MKRN2: variants seen among roughly 807,000 people sequenced by gnomAD.
The protein encoded by MKRN2 is makorin ring finger protein 2.
In MKRN2, 32 loss-of-function variants were observed where a neutral mutation model predicts 45.4. That is an observed-to-expected ratio of 0.70 (90% CI 0.53 to 0.95). The LOEUF (loss-of-function observed/expected upper bound fraction) is 0.95. Ranked by LOEUF, MKRN2 falls within the 40% of genes least tolerant of loss-of-function variation. The probability of loss-of-function intolerance (pLI) is 0.00; values close to 1 mark genes in which losing one functional copy is unlikely to be tolerated. For missense variants in MKRN2, 526 were observed against 536.7 expected (o/e 0.98, Z 0.20); for synonymous variants, 206 against 192.4 (o/e 1.07, Z -0.59).
Position 12,572,314 on chromosome 3 carries a change from A to G in MKRN2, c.583A>G (p.Ile195Val). 2 of 1,610,790 alleles carry G rather than the reference A, an allele frequency of 1.2e-6. No individual in the cohort carries two copies. Among genetic ancestry groups the G allele is most frequent in the Non-Finnish European group, 1.7e-6 (2 of 1,177,434 alleles). ...CVYLHGEVCE[I>V]CRLQVLHPFD... ...CTACCTGCACGGGGAGGTGTGTGAA[A>G]TCTGTAGGCTGCAAGTCTTGCACCC... Residue 195 changes from isoleucine (I) to valine (V), a missense_variant, in exon 4 of 8, where the codon ATC (isoleucine) becomes GTC (valine). Transcript: ENST00000170447.
At position 12,583,238 on chromosome 3, in the gene MKRN2, T is replaced by C. The variant is rs2058200229; in HGVS notation, c.*985T>C. On this transcript the variant is annotated 3_prime_UTR_variant, in exon 8 of 8. Coordinates refer to ENST00000170447, the MANE Select transcript of MKRN2 (RefSeq NM_014160.5). ...GAGCTGATGGCAAGTCTTGTAGTCA[T>C]TTTGATTTTAATTGAAGGGTGAGCA... 1 of 152,268 alleles carries C rather than the reference T, an allele frequency of 6.6e-6. No individual in the cohort carries two copies. Among genetic ancestry groups the C allele is most frequent in the African/African-American group, 2.4e-5 (1 of 41,456 alleles). 9.4% of individuals were successfully genotyped at this position (152,268 alleles called of 1,614,324 possible). A position where few individuals can be genotyped will look rare whatever the true frequency, so the allele number is the denominator to read the frequency against.
At chr3:12,575,965 A>T (rs1221136733) in intron 5 of MKRN2, among the ~76,000 whole-genome samples, 1 of 152,192 alleles carries the variant, frequency 6.6e-6, no homozygotes, top group Non-Finnish European at 1.5e-5. Flanking sequence ...TATTATGAAT[A>T]ATGCTGCTGT....
intron 2 of MKRN2, among the ~76,000 whole-genome samples, chr3:12,569,401 C>T (rs562991777): frequency 1.3e-5 from 2 of 151,618 alleles, no homozygotes; most frequent in East Asian, 3.9e-4. Context: ...ACCTCGTGAT[C>T]CTCCCGCCTC....
chr3:12,565,345 A>G (rs973342969), intron 1 of MKRN2, among the ~76,000 whole-genome samples: 2 of 152,040 alleles, frequency 1.3e-5, no homozygotes, highest in African/African-American at 4.8e-5. Flanking sequence ...TGTATTTTCT[A>G]TGAACTGGAT....
At chr3:12,557,590 A>T (rs1022492148) in intron 1 of MKRN2, among the ~76,000 whole-genome samples, 5 of 152,278 alleles carry the variant, frequency 3.3e-5, no homozygotes, top group African/African-American at 1.2e-4. Context: ...TAATTTGTTA[A>T]TCGATTATGA....
At chr3:12,577,092 T>A (rs543511993) in intron 6 of MKRN2, 1 of 156,348 alleles carries the variant, frequency 6.4e-6, no homozygotes, top group East Asian at 1.9e-4. Context: ...TGCGCCACCA[T>A]GCCCAGCTAA....
chr3:12,557,101 A>T lies in MKRN2; in HGVS notation c.-50A>T. The T allele has an allele frequency of 7.2e-7, 1 of 1,393,144 alleles. No individual in the cohort carries two copies. The highest frequency in any genetic ancestry group is 9.4e-7 in the Non-Finnish European group (1 of 1,065,262). The allele number at this position is 1,393,144 out of a possible 1,614,324, so 86.3% of individuals were successfully genotyped here. ...GGGCCAGGGCCAAGGCCGAGGCGGC[A>T]GCGGCTGCGAGAGGCGGCGGCACGA... On this transcript the variant is annotated 5_prime_UTR_variant, in exon 1 of 8. Coordinates refer to ENST00000170447, the MANE Select transcript of MKRN2 (RefSeq NM_014160.5).
chr3:12,568,806 C>T (rs990986079), intron 1 of MKRN2, 69 bp from the exon 2 acceptor site: 1 of 1,567,930 alleles, frequency 6.4e-7, no homozygotes. Context: ...ATGCTAAGTT[C>T]AAGAATAAGC....
intron 6 of MKRN2, among the ~76,000 whole-genome samples, chr3:12,578,183 T>C (rs904682188): frequency 6.6e-6 from 1 of 152,212 alleles, no homozygotes; most frequent in African/African-American, 2.4e-5. Flanking sequence ...TTCCTCACTT[T>C]CCAATGGCTG....
At chr3:12,582,030 TG>T in intron 7 of MKRN2, 78 bp downstream of exon 7, 1 of 1,608,368 alleles carries the variant, frequency 6.2e-7, no homozygotes, top group Non-Finnish European at 8.5e-7. Flanking sequence ...GGCAGAGAAA[TG>T]GGGTAGGCAA....
intron 1 of MKRN2, among the ~76,000 whole-genome samples, chr3:12,558,716 C>T (rs571982634): frequency 3.3e-5 from 5 of 152,316 alleles, no homozygotes; most frequent in African/African-American, 1.2e-4. Context: ...GATAGCTTGA[C>T]TTGAAAGCTT....
chr3:12,576,285 A>C (rs1395072885), intron 5 of MKRN2, among the ~76,000 whole-genome samples: 1 of 151,468 alleles, frequency 6.6e-6, no homozygotes, highest in Admixed American at 6.6e-5. Flanking sequence ...GCTTTGTTAC[A>C]TGGGTATCCA....
Position 12,572,312 on chromosome 3 carries a change from A to G in MKRN2, c.581A>G (p.Glu194Gly). The change falls in exon 4 of 8, where the codon GAA becomes GGA. Residue 194 changes from glutamate to glycine, a missense_variant. Coordinates refer to ENST00000170447, the MANE Select transcript of MKRN2 (RefSeq NM_014160.5). The part of the protein sequence containing the change: ...ACVYLHGEVC[E>G]ICRLQVLHPF... ...GTCTACCTGCACGGGGAGGTGTGTGAAATCTGTAGGCTGCAAGTCTTGCAC... is the reference window on the plus strand; with the variant it reads ...GTCTACCTGCACGGGGAGGTGTGTGGAATCTGTAGGCTGCAAGTCTTGCAC... 1 of 1,611,402 alleles carries G rather than the reference A, an allele frequency of 6.2e-7. No homozygotes were observed. Among genetic ancestry groups the G allele is most frequent in the Non-Finnish European group, 8.5e-7 (1 of 1,177,840 alleles).
chr3:12,559,375 G>A (rs1459197492), intron 1 of MKRN2, among the ~76,000 whole-genome samples: 1 of 152,030 alleles, frequency 6.6e-6, no homozygotes. Context: ...AATGTTCAAG[G>A]TATGATTTAT....
intron 1 of MKRN2, chr3:12,560,844 T>C (rs1015294328): frequency 4.6e-5 from 7 of 152,260 alleles, no homozygotes; most frequent in Admixed American, 1.3e-4. Context: ...TCTTGGAAGA[T>C]ATGAGGGGCG....
At chr3:12,572,828 G>A (rs1345578483) in intron 4 of MKRN2, among the ~76,000 whole-genome samples, 5 of 152,050 alleles carry the variant, frequency 3.3e-5, no homozygotes, top group African/African-American at 1.2e-4. Context: ...CAAGTTGTCC[G>A]CCTGCCTTGG....
intron 4 of MKRN2, among the ~76,000 whole-genome samples, chr3:12,573,497 G>C (rs1438720053): frequency 6.7e-6 from 1 of 148,804 alleles, no homozygotes; most frequent in Non-Finnish European, 1.5e-5. Flanking sequence ...TTGTGCCACT[G>C]CACTACAGCC....
rs969721898 is a variant in MKRN2 at position 12,576,695 on chromosome 3, C to G, written c.922C>G (p.Gln308Glu). 6.2e-7 allele frequency: 1 copy of G among 1,610,490 alleles called. No homozygotes were observed. Among genetic ancestry groups the G allele is most frequent in the African/African-American group, 1.3e-5 (1 of 74,714 alleles). The change falls in exon 6 of 8, where the codon CAG (glutamine) becomes GAG (glutamate). Residue 308 changes from glutamine to glutamate, a missense_variant. By Grantham distance (29) the Gln-to-Glu change is conservative (BLOSUM62 2). Coordinates refer to ENST00000170447, the MANE Select transcript of MKRN2 (RefSeq NM_014160.5). ...VIPSVYWVEDQNKKNELIEAF... is the reference protein window; with the variant it reads ...VIPSVYWVEDENKKNELIEAF... The stretch of plus-strand genomic sequence containing the variant: ...TCCAAGTGTGTATTGGGTGGAAGAT[C>G]AGAATAAAAAGAACGAGTTGATTGA...
At chr3:12,570,883 CAAAA>C (rs889392244) in intron 3 of MKRN2, among the ~76,000 whole-genome samples, 5 of 48,800 alleles carry the variant, frequency 1.0e-4, no homozygotes, top group East Asian at 6.5e-4. Context: ...GACTCCCTCT[CAAAA>C]AAAAAAAAAA....
Sources: gnomAD v4.1 joint callset for allele counts (sites outside exome capture counted in the v4.1 genomes callset) on GRCh38, gnomAD v4.1.1 for gene constraint, MANE v1.5 for transcripts, NCBI Gene and HGNC (gene_info 2026-07-23, HGNC 2026-07-21) for gene names.